Variants in CD44 observed in about 807,000 individuals in gnomAD.
The protein encoded by CD44 is CD44 antigen.
Under a neutral mutation model 88.8 loss-of-function variants are expected in CD44, and 49 were observed. The ratio of observed to expected loss-of-function variants is 0.55; its 90% CI spans 0.44 to 0.70. The LOEUF (loss-of-function observed/expected upper bound fraction) is 0.70, where lower values mean the gene tolerates loss of function less well. Among genes scored for constraint, CD44 ranks in the 30% least tolerant of loss-of-function variants. The probability of loss-of-function intolerance (pLI) is 0.00; values close to 1 mark genes in which losing one functional copy is unlikely to be tolerated. For missense variants in CD44, 883 were observed against 913.8 expected, an observed-to-expected ratio of 0.97 and a Z score of 0.43; for synonymous variants, 325 against 312.3, an observed-to-expected ratio of 1.04 and a Z score of -0.43.
intron 1 of CD44, among the ~76,000 whole-genome samples, chr11:35,175,485 C>A (rs1357998197): frequency 6.6e-6 from 1 of 152,134 alleles, no homozygotes; most frequent in African/African-American, 2.4e-5. Context: ...TATATAGATA[C>A]ATACTTTATG....
In CD44 at chr11:35,217,770, A is replaced by G. The variant is rs1428109616; in HGVS notation, c.1874-1546A>G. Among the ~76,000 whole-genome samples, 4 of 152,172 alleles carry G rather than the reference A, an allele frequency of 2.6e-5. No individual in the cohort carries two copies. The East Asian group carries it at 7.7e-4, about 29-fold the overall frequency. On this transcript the variant is annotated intron_variant, in intron 15 of 17. Transcript: ENST00000428726. ...CATTTTCATCCATTGATCAGCCTTC[A>G]GGATTCTACAGTGGGCTTCCATTTG... is the stretch of plus-strand genomic sequence containing the variant.
intron 2 of CD44, among the ~76,000 whole-genome samples, chr11:35,178,396 C>T (rs1439307853): frequency 6.6e-6 from 1 of 152,194 alleles, no homozygotes; most frequent in Non-Finnish European, 1.5e-5. Context: ...ATATTATCAC[C>T]TCATTTTATG....
chr11:35,192,963 T>A (rs1946413622), intron 5 of CD44, among the ~76,000 whole-genome samples: 1 of 152,146 alleles, frequency 6.6e-6, no homozygotes, highest in Admixed American at 6.5e-5. Flanking sequence ...TTTCCTCTGG[T>A]ACTATTTTTT....
In CD44 at chr11:35,208,116, A is replaced by AT. The variant is rs1296940589; in HGVS notation, c.1426_1427insT (p.Ser476MetfsTer3). Reference sequence around the variant, plus strand: ...ATTGATTCCTTCAGATATGGACTCCAGTCATAGTATAACGCTTCAGCCTAC... The same window carrying AT: ...ATTGATTCCTTCAGATATGGACTCCATGTCATAGTATAACGCTTCAGCCTAC... On this transcript the variant is annotated frameshift_variant, in exon 12 of 18. Transcript: ENST00000428726. LOFTEE classifies it high-confidence loss of function. The AT allele has an allele frequency of 6.3e-7, 1 of 1,598,620 alleles. No individual in the cohort carries two copies. Among genetic ancestry groups the AT allele is most frequent in the Non-Finnish European group, 8.6e-7 (1 of 1,166,050 alleles).
At position 35,139,286 on chromosome 11, in the gene CD44, C is replaced by G. The variant is rs55707108; in HGVS notation, c.-18C>G. On this transcript the variant is annotated 5_prime_UTR_variant, in exon 1 of 18. Coordinates refer to ENST00000428726, the MANE Select transcript of CD44 (RefSeq NM_000610.4). The stretch of plus-strand genomic sequence containing the variant: ...CTCCAGCTCCTTTCGCCCGCGCCCT[C>G]CGTTCGCTCCGGACACCATGGACAA... The G allele has an allele frequency of 1.6e-3, 2,540 of 1,554,846 alleles. 5 individuals are homozygous for G. Among genetic ancestry groups the G allele is most frequent in the Admixed American group, 1.9e-3 (99 of 51,268 alleles).
intron 17 of CD44, among the ~76,000 whole-genome samples, chr11:35,226,880 CTTTTTTTTTTTTT>C (rs367551052): frequency 1.9e-5 from 2 of 106,212 alleles, no homozygotes; most frequent in South Asian, 2.9e-4. Flanking sequence ...TTCTTTTTTC[CTTTTTTTTTTTTT>C]TTTTTTTTTG....
In CD44 at chr11:35,181,672, A is replaced by ATATATATATTTATATATATATTTATT. The variant is rs1410647009; in HGVS notation, c.367+1280_367+1305dup. ...CAAACACAGATATATACATATACAT[A>ATATATATATTTATATATATATTTATT]TATATATATTTATATATATATTTAT... On this transcript the variant is annotated intron_variant, in intron 3 of 17. Transcript: ENST00000428726. Among the ~76,000 whole-genome samples, 971 of 129,710 alleles carry ATATATATATTTATATATATATTTATT rather than the reference A, an allele frequency of 7.5e-3. 10 individuals are homozygous for ATATATATATTTATATATATATTTATT. Among genetic ancestry groups the ATATATATATTTATATATATATTTATT allele is most frequent in the African/African-American group, 0.027 (925 of 34,130 alleles). 85.1% of individuals were successfully genotyped at this position (129,710 alleles called of 152,430 possible).
intron 7 of CD44, among the ~76,000 whole-genome samples, chr11:35,199,942 T>TG (rs1947143707): frequency 6.8e-6 from 1 of 146,674 alleles, no homozygotes; most frequent in African/African-American, 2.6e-5. Flanking sequence ...TTGTTTTTTT[T>TG]TTTTTTTTTT....
chr11:35,151,035 C>T (rs1023662804), intron 1 of CD44, among the ~76,000 whole-genome samples: 1 of 152,114 alleles, frequency 6.6e-6, no homozygotes, highest in Non-Finnish European at 1.5e-5. Context: ...TGTCAGAAGA[C>T]AGGAAAAACA....
intron 16 of CD44, among the ~76,000 whole-genome samples, chr11:35,220,498 G>C (rs992058667): frequency 6.6e-6 from 1 of 152,128 alleles, no homozygotes; most frequent in East Asian, 1.9e-4. Flanking sequence ...CAGATAATGA[G>C]ACTTTCCATG....
intron 1 of CD44, among the ~76,000 whole-genome samples, chr11:35,155,457 T>G (rs1215489183): frequency 6.6e-6 from 1 of 152,176 alleles, no homozygotes; most frequent in African/African-American, 2.4e-5. Flanking sequence ...CTCAACCTTT[T>G]TCTGAAAAGA....
intron 16 of CD44, among the ~76,000 whole-genome samples, chr11:35,221,180 A>AT (rs1949266400): frequency 6.6e-6 from 1 of 152,094 alleles, no homozygotes; most frequent in Non-Finnish European, 1.5e-5. Flanking sequence ...TCCTCCTCAT[A>AT]TTGTAGTGCG....
In CD44 at chr11:35,198,726, C is replaced by T. The variant is rs546570447; in HGVS notation, c.922+480C>T. On this transcript the variant is annotated intron_variant, in intron 7 of 17. Transcript: ENST00000428726. ...AGGCGTGGTGGCTCACACCTGTAATCCCAGCACCCTGGGAGGCCGAGGCGG... is the reference window on the plus strand; with the variant it reads ...AGGCGTGGTGGCTCACACCTGTAATTCCAGCACCCTGGGAGGCCGAGGCGG... Among the ~76,000 whole-genome samples, 10 of 152,232 alleles carry T rather than the reference C, an allele frequency of 6.6e-5. No homozygotes were observed. The East Asian group carries it at 1.9e-3, about 29-fold the overall frequency.
At chr11:35,165,961 C>A (rs1194864610) in intron 1 of CD44, among the ~76,000 whole-genome samples, 1 of 152,114 alleles carries the variant, frequency 6.6e-6, no homozygotes, top group Non-Finnish European at 1.5e-5. Flanking sequence ...AGCAGTTCCA[C>A]AAAATGCCAG....
chr11:35,189,078 A>C (rs1946009341), intron 4 of CD44, among the ~76,000 whole-genome samples: 1 of 152,232 alleles, frequency 6.6e-6, no homozygotes, highest in Non-Finnish European at 1.5e-5. Flanking sequence ...GAGAGCAGCA[A>C]ATACTTCTAG....
At chr11:35,145,497 C>T (rs1858947804) in intron 1 of CD44, among the ~76,000 whole-genome samples, 1 of 152,068 alleles carries the variant, frequency 6.6e-6, no homozygotes, top group Non-Finnish European at 1.5e-5. Flanking sequence ...TTGTTTGCGG[C>T]TTTGGTGGCT....
chr11:35,211,518 G>GACTACAC, intron 14 of CD44, 69 bp downstream of exon 14: 1 of 1,180,702 alleles, frequency 8.5e-7, no homozygotes, highest in Non-Finnish European at 1.3e-6. Flanking sequence ...TCATATTACA[G>GACTACAC]AGGACATTTT....
intron 6 of CD44, 37 bp from the exon 7 acceptor site, chr11:35,198,084 C>T (rs200817484): frequency 5.6e-6 from 9 of 1,595,462 alleles, no homozygotes; most frequent in South Asian, 2.2e-5. Context: ...GGTTGCTTGG[C>T]GTCCAGCTCA....
chr11:35,149,574 T>C (rs376234561), intron 1 of CD44, among the ~76,000 whole-genome samples: 1 of 152,244 alleles, frequency 6.6e-6, no homozygotes, highest in Admixed American at 6.5e-5. Flanking sequence ...TGATTCACTA[T>C]GTGCTGCTAG....
Sources: allele counts gnomAD v4.1 joint callset (sites outside exome capture counted in the v4.1 genomes callset), GRCh38; gene constraint gnomAD v4.1.1; transcripts MANE v1.5; gene names NCBI Gene and HGNC (gene_info 2026-07-23, HGNC 2026-07-21).